The following MAN1A1 variants were observed in gnomAD, a reference collection of about 807,000 sequenced individuals.
MAN1A1 encodes the protein mannosyl-oligosaccharide 1,2-alpha-mannosidase IA.
MAN1A1 carries 29 observed loss-of-function variants against 70.8 expected under a neutral mutation model. That is an observed-to-expected ratio of 0.41 (90% confidence interval 0.31 to 0.56). MAN1A1 has a LOEUF of 0.56. Ranked by LOEUF, MAN1A1 falls within the 20% of genes least tolerant of loss-of-function variation. MAN1A1 has a pLI of 0.29. For missense variants in MAN1A1, 747 were observed against 841.3 expected (o/e 0.89, Z 1.39); for synonymous variants, 349 against 330.1 (o/e 1.06, Z -0.62).
At chr6:119,258,652 G>C (rs1322205404) in intron 5 of MAN1A1, among the ~76,000 whole-genome samples, 3 of 152,158 alleles carry the variant, frequency 2.0e-5, no homozygotes, top group Non-Finnish European at 4.4e-5. Context: ...ACATATTTTA[G>C]TTATGAAGCA....
chr6:119,284,200 C>A (rs1345514405), intron 5 of MAN1A1, among the ~76,000 whole-genome samples: 2 of 152,172 alleles, frequency 1.3e-5, no homozygotes, highest in African/African-American at 4.8e-5. Context: ...CCAATATCTG[C>A]TGAAGGGATA....
At chr6:119,314,416 A>G (rs1283581136) in intron 2 of MAN1A1, among the ~76,000 whole-genome samples, 1 of 152,218 alleles carries the variant, frequency 6.6e-6, no homozygotes, top group Non-Finnish European at 1.5e-5. Context: ...TAACTTTGTC[A>G]AACAGCTACC....
chr6:119,282,204 G>A (rs1168968375), intron 5 of MAN1A1, among the ~76,000 whole-genome samples: 1 of 152,208 alleles, frequency 6.6e-6, no homozygotes, highest in Non-Finnish European at 1.5e-5. Flanking sequence ...GTATAAATAA[G>A]TTTCAGGGCT....
At chr6:119,180,709 T>C (rs1186415013) in intron 11 of MAN1A1, among the ~76,000 whole-genome samples, 2 of 152,086 alleles carry the variant, frequency 1.3e-5, no homozygotes, top group Admixed American at 1.3e-4. Context: ...AGATAGGGTT[T>C]TGCCATGTTG....
chr6:119,262,515 T>A (rs1436644685), intron 5 of MAN1A1, among the ~76,000 whole-genome samples: 1 of 152,140 alleles, frequency 6.6e-6, no homozygotes, highest in Non-Finnish European at 1.5e-5. Flanking sequence ...AAAGGAATAC[T>A]TACTCACTGC....
chr6:119,191,147 C>G lies in MAN1A1; in HGVS notation c.1327-1264G>C, dbSNP rs951208366. Among the ~76,000 whole-genome samples the G allele has an allele frequency of 6.6e-5, 10 of 152,154 alleles. No individual in the cohort carries two copies. The East Asian group carries it at 1.9e-3, about 29-fold the overall frequency. Reference sequence around the variant, plus strand: ...ACTGTGCTCATTAACCGTGGTTAAGCTAATGTTATTGATGGTTTAGTTATT... The same window carrying G: ...ACTGTGCTCATTAACCGTGGTTAAGGTAATGTTATTGATGGTTTAGTTATT... On this transcript the variant is annotated intron_variant, in intron 9 of 12. Transcript: ENST00000368468.
intron 2 of MAN1A1, among the ~76,000 whole-genome samples, chr6:119,316,398 T>G (rs972185617): frequency 6.6e-6 from 1 of 152,032 alleles, no homozygotes; most frequent in Non-Finnish European, 1.5e-5. Flanking sequence ...ACTCCTGAGC[T>G]CAGGTGATCT....
rs1774530885 is a variant in MAN1A1 at position 119,226,886 on chromosome 6, G to T, written c.992+21374C>A. On this transcript the variant is annotated intron_variant, in intron 6 of 12. Coordinates refer to ENST00000368468, the MANE Select transcript of MAN1A1 (RefSeq NM_005907.4). ...AGAGTTTTGCCATGTTGCCCAGCTG[G>T]TCTTGAACTCCTGGCCTCAAGCAAT... 2.0e-5 allele frequency among the ~76,000 whole-genome samples: 3 copies of T among 152,080 alleles called. No individual in the cohort carries two copies. In the South Asian group the frequency reaches 6.2e-4, roughly 32 times the overall value.
In MAN1A1 at chr6:119,327,113, T is replaced by TTAAAA. The variant is rs140847998; in HGVS notation, c.604-20122_604-20121insTTTTA. 5.8e-3 allele frequency among the ~76,000 whole-genome samples: 887 copies of TTAAAA among 152,272 alleles called. 27 individuals are homozygous for TTAAAA. The East Asian group carries it at 0.089, about 15-fold the overall frequency. ...TTACTTAAGAACAATTAAGTTGCCCTTAAAGAGCAACCTGGATTATCCAGG... is the reference window on the plus strand; with the variant it reads ...TTACTTAAGAACAATTAAGTTGCCCTTAAAATAAAGAGCAACCTGGATTATCCAGG... On this transcript the variant is annotated intron_variant, in intron 2 of 12. Transcript: ENST00000368468.
rs533089785 is a variant in MAN1A1, at chr6:119,308,273, T to C, written c.604-1281A>G. Among the ~76,000 whole-genome samples, 3 of 152,258 alleles carry C rather than the reference T, an allele frequency of 2.0e-5. No homozygotes were observed. The East Asian group carries it at 5.8e-4, about 29-fold the overall frequency. ...AAAGCCCATGGCATTAACCAACACA[T>C]TGCATCACCTTCCTTTAATGAGTCA... On this transcript the variant is annotated intron_variant, in intron 2 of 12. Transcript: ENST00000368468.
At chr6:119,291,172 G>A (rs893861982) in intron 4 of MAN1A1, among the ~76,000 whole-genome samples, 1 of 151,942 alleles carries the variant, frequency 6.6e-6, no homozygotes, top group African/African-American at 2.4e-5. Flanking sequence ...TTGTGATAGT[G>A]AATAAGTCTC....
chr6:119,294,360 T>C (rs1488240373), intron 4 of MAN1A1, among the ~76,000 whole-genome samples: 3 of 152,040 alleles, frequency 2.0e-5, no homozygotes, highest in Admixed American at 6.6e-5. Context: ...CTTACCCTAA[T>C]GACAGAGGGG....
intron 8 of MAN1A1, 38 bp from the exon 9 acceptor site, chr6:119,193,930 C>G (rs1280822473): frequency 1.5e-6 from 2 of 1,360,570 alleles, no homozygotes; most frequent in African/African-American, 1.4e-5. Flanking sequence ...AGTGATTCAG[C>G]TTTTAATTCA....
chr6:119,289,643 G>C (rs1776479233), intron 5 of MAN1A1, among the ~76,000 whole-genome samples: 1 of 151,832 alleles, frequency 6.6e-6, no homozygotes, highest in South Asian at 2.1e-4. Context: ...AGATATAGAT[G>C]AATACAGAAG....
intron 6 of MAN1A1, among the ~76,000 whole-genome samples, chr6:119,225,758 C>A (rs1774497386): frequency 6.6e-6 from 1 of 152,154 alleles, no homozygotes; most frequent in South Asian, 2.1e-4. Context: ...GATAAAAAAT[C>A]TGAAAACCAA....
intron 2 of MAN1A1, among the ~76,000 whole-genome samples, chr6:119,331,570 C>CATATATATAGATAT (rs1473149807): frequency 1.4e-4 from 17 of 117,972 alleles, no homozygotes; most frequent in African/African-American, 5.3e-4. Flanking sequence ...ACATATTATG[C>CATATATATAGATAT]ATATATATAT....
chr6:119,272,315 G>T (rs906956397), intron 5 of MAN1A1, among the ~76,000 whole-genome samples: 14 of 152,134 alleles, frequency 9.2e-5, no homozygotes, highest in African/African-American at 3.1e-4. Flanking sequence ...CTCAGACCAG[G>T]TTTTCTTTTT....
At chr6:119,188,761 G>A (rs191420116) in intron 10 of MAN1A1, among the ~76,000 whole-genome samples, 184 bp from the exon 11 acceptor site, 4 of 152,200 alleles carry the variant, frequency 2.6e-5, no homozygotes, top group Admixed American at 6.5e-5. Context: ...CAAAGTATTC[G>A]CATACAACCT....
In MAN1A1 at chr6:119,191,924, T is replaced by G. The variant is rs57980534; in HGVS notation, c.1326+1853A>C. On this transcript the variant is annotated intron_variant, in intron 9 of 12. Coordinates refer to ENST00000368468, the MANE Select transcript of MAN1A1 (RefSeq NM_005907.4). Reference sequence around the variant, plus strand: ...AAATAAACTTTGCTGTATAAGACAATGCTACTTCTCAAAACAGAAATTTAG... The same window carrying G: ...AAATAAACTTTGCTGTATAAGACAAGGCTACTTCTCAAAACAGAAATTTAG... 5.7e-3 allele frequency among the ~76,000 whole-genome samples: 861 copies of G among 152,302 alleles called. 27 individuals are homozygous for G. The East Asian group carries it at 0.082, about 14-fold the overall frequency.
Sources: gnomAD v4.1 joint callset for allele counts (sites outside exome capture counted in the v4.1 genomes callset) on GRCh38, gnomAD v4.1.1 for gene constraint, MANE v1.5 for transcripts, NCBI Gene and HGNC (gene_info 2026-07-23, HGNC 2026-07-21) for gene names.